Variants in ARMC6 observed in about 807,000 individuals in gnomAD.
ARMC6 encodes the protein armadillo repeat-containing protein 6.
A neutral mutation model predicts 49.2 loss-of-function variants in ARMC6; 43 were observed. That is an observed-to-expected ratio of 0.87 (90% CI 0.69 to 1.13). The LOEUF is 1.13. Ranked by LOEUF, ARMC6 falls within the 50% of genes most tolerant of loss-of-function variation. ARMC6 has a pLI of 0.00. For missense variants in ARMC6, 627 were observed against 682.0 expected (o/e 0.92, Z 0.90); for synonymous variants, 262 against 289.6 (o/e 0.90, Z 0.97).
chr19:19,042,876 A>G lies in ARMC6; in HGVS notation c.195A>G (p.Gln65=), dbSNP rs1352139770. The G allele has an allele frequency of 6.2e-7, 1 of 1,613,674 alleles. No individual in the cohort carries two copies. The highest frequency in any genetic ancestry group is 8.5e-7 in the Non-Finnish European group (1 of 1,179,998). The change falls in exon 3 of 9, where the codon CAA becomes CAG. Residue 65 remains glutamine, a splice_region_variant and synonymous_variant. Transcript: ENST00000535612. ...AGGCCGTGGAGCAGTTTGAATCGCA[A>G]GGTAGGGTGGTGTGACTGTCACCTA... is the stretch of plus-strand genomic sequence containing the variant. ...VKEAVEQFES[Q]GVDLSNIVKT...
At chr19:19,046,257 C>T (rs988568840) in intron 4 of ARMC6, among the ~76,000 whole-genome samples, 8 of 152,036 alleles carry the variant, frequency 5.3e-5, no homozygotes, top group Non-Finnish European at 8.8e-5. Flanking sequence ...AGTGCAGTGG[C>T]GTGATCTTGG....
At chr19:19,053,428 G>C (rs2059515502) in intron 5 of ARMC6, among the ~76,000 whole-genome samples, 1 of 152,070 alleles carries the variant, frequency 6.6e-6, no homozygotes, top group South Asian at 2.1e-4. Flanking sequence ...GAGAAATTGT[G>C]GTGAGCCAAG....
chr19:19,035,088 T>C (rs10405661), intron 2 of ARMC6, among the ~76,000 whole-genome samples: 2,173 of 152,250 alleles, frequency 0.014, 66 homozygotes, highest in African/African-American at 0.05. Flanking sequence ...ATGGTCTTGA[T>C]CTCCTGACCT....
In ARMC6 at chr19:19,044,944, G is replaced by A. The variant is rs181879030; in HGVS notation, c.279+870G>A. Among the ~76,000 whole-genome samples, 11 of 152,266 alleles carry A rather than the reference G, an allele frequency of 7.2e-5. No individual in the cohort carries two copies. In the East Asian group the frequency reaches 2.1e-3, roughly 29 times the overall value. On this transcript the variant is annotated intron_variant, in intron 4 of 8. Transcript: ENST00000535612. The stretch of plus-strand genomic sequence containing the variant: ...GCCTTGAGGAGGTCTTGTGAAAATT[G>A]CCTCGTTGTTGTTAGTTTGCTTTTT...
chr19:19,048,944 TA>T (rs2059474086), intron 4 of ARMC6, among the ~76,000 whole-genome samples: 1 of 152,084 alleles, frequency 6.6e-6, no homozygotes, highest in Non-Finnish European at 1.5e-5. Flanking sequence ...GGCAGGAAGA[TA>T]AAATGAGACA....
At chr19:19,057,170 C>A (rs1350768599) in intron 8 of ARMC6, among the ~76,000 whole-genome samples, 1 of 152,272 alleles carries the variant, frequency 6.6e-6, no homozygotes. Flanking sequence ...CTGAGAGTTC[C>A]AAAGCCATAG....
In ARMC6 at chr19:19,057,400, C is replaced by T. The variant is rs781309927; in HGVS notation, c.1294-16C>T. 6.8e-6 allele frequency: 11 copies of T among 1,608,230 alleles called. No individual in the cohort carries two copies. The highest frequency in any genetic ancestry group is 2.1e-4 in the Middle Eastern group (1 of 4,798). On this transcript the variant is annotated splice_polypyrimidine_tract_variant and intron_variant, in intron 8 of 8. Transcript: ENST00000535612. The stretch of plus-strand genomic sequence containing the variant: ...CAAAGCCCCATCTGGCAGCTCACAG[C>T]TGCTCTCTCCTACAGAAACAGGCTT...
At chr19:19,054,473 G>C in intron 6 of ARMC6, 152 bp downstream of exon 6, 1 of 785,436 alleles carries the variant, frequency 1.3e-6, no homozygotes, top group Non-Finnish European at 1.8e-6. Flanking sequence ...ACCAAAGGTC[G>C]GGGGGGAAAC....
At chr19:19,054,352 G>A in intron 6 of ARMC6, 31 bp downstream of exon 6, 1 of 1,464,964 alleles carries the variant, frequency 6.8e-7, no homozygotes, top group Non-Finnish European at 9.1e-7. Flanking sequence ...ATTGCGTGCT[G>A]TCCTTCTGGG....
At position 19,055,401 on chromosome 19, in the gene ARMC6, C is replaced by T. The variant is rs752560255; in HGVS notation, c.1155+5C>T. 7 of 1,597,586 alleles carry T rather than the reference C, an allele frequency of 4.4e-6. No homozygotes were observed. Among genetic ancestry groups the T allele is most frequent in the South Asian group, 1.1e-5 (1 of 88,954 alleles). On this transcript the variant is annotated splice_donor_5th_base_variant and intron_variant, in intron 7 of 8. Transcript: ENST00000535612. The surrounding 1 kb of genome is among the most constrained non-coding windows in gnomAD (Gnocchi z 5.7). The stretch of plus-strand genomic sequence containing the variant: ...CAGCATCTGACCAGCCCCCAGGTAC[C>T]CACCTCGGGGGGCACACACAGTAGC...
At chr19:19,038,920 C>CACACACACACAT (rs2059391399) in intron 2 of ARMC6, among the ~76,000 whole-genome samples, 1 of 150,522 alleles carries the variant, frequency 6.6e-6, no homozygotes, top group South Asian at 2.1e-4. Flanking sequence ...CACACACACA[C>CACACACACACAT]ACACACATTT....
At chr19:19,044,567 A>G (rs556572922) in intron 4 of ARMC6, among the ~76,000 whole-genome samples, 1 of 152,388 alleles carries the variant, frequency 6.6e-6, no homozygotes, top group African/African-American at 2.4e-5. Context: ...TAACCTCTCC[A>G]GAGACCGAAA....
At position 19,033,662 on chromosome 19, in the gene ARMC6, G is replaced by T; in HGVS notation, c.-348G>T. The T allele has an allele frequency of 2.7e-6, 2 of 730,494 alleles. No individual in the cohort carries two copies. The highest frequency in any genetic ancestry group is 3.6e-6 in the Non-Finnish European group (2 of 555,754). 45.3% of individuals were successfully genotyped at this position (730,494 alleles called of 1,614,324 possible). A position where few individuals can be genotyped will look rare whatever the true frequency, so the allele number is the denominator to read the frequency against. ...CTTCTTCTGGGCGGACGCTCTGGAG[G>T]CAAAACATTTCCCTGCTGGGGGCGG... is the stretch of plus-strand genomic sequence containing the variant. On this transcript the variant is annotated 5_prime_UTR_variant, in exon 1 of 9. Transcript: ENST00000535612.
At chr19:19,045,748 C>T (rs2059445319) in intron 4 of ARMC6, among the ~76,000 whole-genome samples, 1 of 150,834 alleles carries the variant, frequency 6.6e-6, no homozygotes, top group Admixed American at 6.6e-5. Flanking sequence ...GCCTCCTGGG[C>T]TCACGCCATT....
rs753976349 is a variant in ARMC6 at position 19,057,855 on chromosome 19, A to G, written c.*227A>G. ...CAGCCACTTCTGGGTCCCAGCCAGC[A>G]GCACGGATGTTACTGTCCTGCTCCT... On this transcript the variant is annotated 3_prime_UTR_variant, in exon 9 of 9. Transcript: ENST00000535612. 3.5e-5 allele frequency: 25 copies of G among 705,818 alleles called. No homozygotes were observed. The highest frequency in any genetic ancestry group is 6.2e-5 in the Non-Finnish European group (24 of 387,894). The allele number at this position is 705,818 out of a possible 1,614,324, so 43.7% of individuals were successfully genotyped here. A position where few individuals can be genotyped will look rare whatever the true frequency, so the allele number is the denominator to read the frequency against.
intron 4 of ARMC6, among the ~76,000 whole-genome samples, chr19:19,046,201 T>C (rs1003067409): frequency 3.9e-5 from 6 of 151,968 alleles, no homozygotes; most frequent in Non-Finnish European, 8.8e-5. Flanking sequence ...CTTTTATTTA[T>C]TCATTTATTT....
At position 19,055,486 on chromosome 19, in the gene ARMC6, C is replaced by T. The variant is rs2059536560; in HGVS notation, c.1155+90C>T. 1.3e-6 allele frequency: 2 copies of T among 1,490,256 alleles called. No homozygotes were observed. The highest frequency in any genetic ancestry group is 2.3e-5 in the Admixed American group (1 of 43,170). The allele number at this position is 1,490,256 out of a possible 1,614,324, so 92.3% of individuals were successfully genotyped here. A position where few individuals can be genotyped will look rare whatever the true frequency, so the allele number is the denominator to read the frequency against. The stretch of plus-strand genomic sequence containing the variant: ...ATCTGCATGAAGCTCTATTCCCCTG[C>T]AGGGCCAGGGCAGGGCTGGTGAGGG... On this transcript the variant is annotated intron_variant, in intron 7 of 8. Transcript: ENST00000535612. This position sits in a 1 kb window ranked among gnomAD's most constrained non-coding sequence, Gnocchi z 5.7.
At chr19:19,043,951 C>G (rs376147170) in intron 3 of ARMC6, 41 bp from the exon 4 acceptor site, 10 of 1,582,260 alleles carry the variant, frequency 6.3e-6, no homozygotes, top group African/African-American at 1.3e-5. Context: ...CTGTCACTTT[C>G]TTTCTGACCC....
chr19:19,045,076 T>A (rs745337968), intron 4 of ARMC6, among the ~76,000 whole-genome samples: 1 of 150,386 alleles, frequency 6.6e-6, no homozygotes, highest in Non-Finnish European at 1.5e-5. Flanking sequence ...ACTGGCGTGA[T>A]CTCAGCTCAC....
Sources: gnomAD v4.1 joint callset for allele counts (sites outside exome capture counted in the v4.1 genomes callset) on GRCh38, gnomAD v4.1.1 for gene constraint, Gnocchi (gnomAD v3.1) non-coding constraint, MANE v1.5 for transcripts, NCBI Gene and HGNC (gene_info 2026-07-23, HGNC 2026-07-21) for gene names.